The following SLC39A14 variants were observed in gnomAD, a reference collection of about 807,000 sequenced individuals.
SLC39A14 encodes metal cation symporter ZIP14.
In SLC39A14, 19 loss-of-function variants were observed where a neutral mutation model predicts 45.5. The ratio of observed to expected loss-of-function variants is 0.42; its 90% confidence interval spans 0.29 to 0.61. The LOEUF is 0.61. SLC39A14 is among the 20% of genes least tolerant of loss of function. SLC39A14 has a pLI of 0.22. For synonymous variants in SLC39A14, 264 were observed against 251.3 expected (o/e 1.05, Z -0.48); for missense variants, 447 against 616.5 (o/e 0.73, Z 2.91).
At chr8:22,374,740 CTTTT>C (rs67116858) in intron 1 of SLC39A14, among the ~76,000 whole-genome samples, 2,567 of 103,966 alleles carry the variant, frequency 0.025, 85 homozygotes, top group African/African-American at 0.098. Flanking sequence ...CCAGCCTGCT[CTTTT>C]TTTTTTTTTT....
chr8:22,368,496 ATTT>A (rs1367848983), intron 1 of SLC39A14, among the ~76,000 whole-genome samples: 8 of 84,810 alleles, frequency 9.4e-5, no homozygotes, highest in African/African-American at 4.5e-4. Context: ...CTTTTATTTT[ATTT>A]TATTTTATTT....
intron 3 of SLC39A14, among the ~76,000 whole-genome samples, chr8:22,410,330 G>C (rs968082509): frequency 6.6e-6 from 1 of 152,106 alleles, no homozygotes; most frequent in African/African-American, 2.4e-5. Flanking sequence ...CAGATGCAAG[G>C]TTCTTCCAAT....
intron 1 of SLC39A14, among the ~76,000 whole-genome samples, chr8:22,370,828 C>T (rs1832885880): frequency 6.6e-6 from 1 of 152,160 alleles, no homozygotes; most frequent in Non-Finnish European, 1.5e-5. Flanking sequence ...CTGCTCAGCC[C>T]AGCCGGGACT....
chr8:22,430,172 G>T (rs1378842510), intron 8 of SLC39A14, among the ~76,000 whole-genome samples: 2 of 152,004 alleles, frequency 1.3e-5, no homozygotes, highest in Non-Finnish European at 2.9e-5. Flanking sequence ...GGGGTCAGAG[G>T]TCACTGCAGC....
At chr8:22,408,146 A>C (rs1397288278) in intron 2 of SLC39A14, among the ~76,000 whole-genome samples, 164 bp from the exon 3 acceptor site, 2 of 152,226 alleles carry the variant, frequency 1.3e-5, no homozygotes, top group Non-Finnish European at 2.9e-5. Context: ...AGTTTAGGGA[A>C]TACCTTGCCC....
At chr8:22,377,333 C>G (rs937680794) in intron 1 of SLC39A14, among the ~76,000 whole-genome samples, 1 of 151,846 alleles carries the variant, frequency 6.6e-6, no homozygotes, top group Non-Finnish European at 1.5e-5. Flanking sequence ...CCAGGCTCAT[C>G]TTGTAACTTC....
chr8:22,391,871 G>T (rs984969234), intron 1 of SLC39A14, among the ~76,000 whole-genome samples: 1 of 152,130 alleles, frequency 6.6e-6, no homozygotes, highest in African/African-American at 2.4e-5. Flanking sequence ...CCCGGCCAGG[G>T]CTCCCTGTTC....
chr8:22,395,687 T>G (rs145154176), intron 1 of SLC39A14, among the ~76,000 whole-genome samples: 2 of 152,296 alleles, frequency 1.3e-5, no homozygotes, highest in East Asian at 3.9e-4. Flanking sequence ...AATCTCATCT[T>G]TGAGCTCTCG....
intron 7 of SLC39A14, among the ~76,000 whole-genome samples, 196 bp downstream of exon 7, chr8:22,416,476 G>C (rs1835889557): frequency 6.6e-6 from 1 of 152,112 alleles, no homozygotes; most frequent in Non-Finnish European, 1.5e-5. Context: ...CCAGGCCGGA[G>C]TGCAGTGATG....
chr8:22,389,572 T>C (rs887517812), intron 1 of SLC39A14, among the ~76,000 whole-genome samples: 6 of 151,988 alleles, frequency 3.9e-5, no homozygotes, highest in Non-Finnish European at 1.5e-5. Context: ...CATGCCTCGC[T>C]ACTGCTGCAC....
intron 1 of SLC39A14, among the ~76,000 whole-genome samples, chr8:22,383,784 A>G (rs556218960): frequency 5.5e-4 from 83 of 152,052 alleles, no homozygotes; most frequent in Non-Finnish European, 1.2e-4. Context: ...TGTGACTCCA[A>G]TTGGCGTATC....
Position 22,392,605 on chromosome 8 carries a change from G to A in SLC39A14, c.-15-12091G>A, listed in dbSNP as rs569248987. ...AGAATTTTGCAACTGTCTGGGAAGT[G>A]TTGATGGATGAATGATGAGAAGTGA... On this transcript the variant is annotated intron_variant, in intron 1 of 8. Coordinates refer to ENST00000381237, the MANE Select transcript of SLC39A14 (RefSeq NM_001128431.4). Among the ~76,000 whole-genome samples the A allele has an allele frequency of 1.3e-5, 2 of 152,332 alleles. 1 individual carries two copies. The highest frequency in any genetic ancestry group is 2.9e-5 in the Non-Finnish European group (2 of 68,032).
At chr8:22,414,506 C>T (rs942804739) in intron 4 of SLC39A14, among the ~76,000 whole-genome samples, 5 of 152,142 alleles carry the variant, frequency 3.3e-5, no homozygotes, top group African/African-American at 1.2e-4. Flanking sequence ...AAAACCATAT[C>T]GGAGGTTTTT....
intron 1 of SLC39A14, among the ~76,000 whole-genome samples, chr8:22,373,324 A>T: frequency 6.6e-6 from 1 of 152,124 alleles, no homozygotes; most frequent in South Asian, 2.1e-4. Context: ...AGTCAAAAGA[A>T]TGGCCTTGTT....
intron 1 of SLC39A14, among the ~76,000 whole-genome samples, chr8:22,375,987 G>A (rs982178798): frequency 2.6e-5 from 4 of 152,060 alleles, no homozygotes; most frequent in Admixed American, 1.3e-4. Context: ...TTATTTAAAC[G>A]TCACCAATAT....
At chr8:22,373,061 C>T (rs1035457003) in intron 1 of SLC39A14, among the ~76,000 whole-genome samples, 3 of 151,882 alleles carry the variant, frequency 2.0e-5, no homozygotes, top group African/African-American at 7.3e-5. Context: ...CAAGAGATCC[C>T]GACCATCCTG....
intron 1 of SLC39A14, among the ~76,000 whole-genome samples, chr8:22,396,886 T>C (rs911559496): frequency 2.6e-5 from 4 of 152,156 alleles, no homozygotes; most frequent in African/African-American, 7.2e-5. Context: ...TGGTGCCTCC[T>C]TCCTTTTTCC....
intron 2 of SLC39A14, among the ~76,000 whole-genome samples, chr8:22,407,462 G>C (rs1323462148): frequency 2.0e-5 from 3 of 150,350 alleles, no homozygotes; most frequent in Non-Finnish European, 4.4e-5. Context: ...CTGGGTTCAG[G>C]TGATTCTCCT....
At position 22,410,371 on chromosome 8, in the gene SLC39A14, C is replaced by T. The variant is rs140950230; in HGVS notation, c.458-1666C>T. 7.2e-3 allele frequency among the ~76,000 whole-genome samples: 1,096 copies of T among 152,272 alleles called. 10 individuals carry two copies. The highest frequency in any genetic ancestry group is 0.025 in the African/African-American group (1,031 of 41,538). ...TCCTCCTGGGGACTTGACAGTCTCC[C>T]CTCCCTTGTTAAGCCCCATACATAA... is the stretch of plus-strand genomic sequence containing the variant. On this transcript the variant is annotated intron_variant, in intron 3 of 8. Transcript: ENST00000381237.
Sources: gnomAD v4.1 joint callset for allele counts (sites outside exome capture counted in the v4.1 genomes callset) on GRCh38, gnomAD v4.1.1 for gene constraint, MANE v1.5 for transcripts, NCBI Gene and HGNC (gene_info 2026-07-23, HGNC 2026-07-21) for gene names.